LRIG3: variants seen among roughly 807,000 people sequenced by gnomAD.
The protein encoded by LRIG3 is leucine rich repeats and immunoglobulin like domains 3.
LRIG3 carries 76 observed loss-of-function variants against 114.5 expected under a neutral mutation model. The ratio of observed to expected loss-of-function variants is 0.66; its 90% CI spans 0.55 to 0.80. The LOEUF is 0.80. Ranked by LOEUF, LRIG3 falls within the 30% of genes least tolerant of loss-of-function variation. The pLI is 0.00. For synonymous variants in LRIG3, 512 were observed against 519.8 expected, an observed-to-expected ratio of 0.98 and a Z score of 0.20; for missense variants, 1,239 against 1,382.8, an observed-to-expected ratio of 0.90 and a Z score of 1.65.
rs150875717 is a variant in LRIG3, at chr12:58,888,379, G to A, written c.897C>T (p.Ile299=). ...LQELHLSQNA[I]NRISPDAWEF... is the part of the protein sequence containing the mutation. Reference sequence around the variant, plus strand: ...CCCAGGCATCAGGGCTGATCCTGTTGATGGCATTTTGGCTGAGATGAAGTT... The same window carrying A: ...CCCAGGCATCAGGGCTGATCCTGTTAATGGCATTTTGGCTGAGATGAAGTT... The change falls in exon 7 of 19, where the codon ATC becomes ATT. Residue 299 remains isoleucine, a synonymous_variant. Transcript: ENST00000320743. 2.9e-4 allele frequency: 471 copies of A among 1,613,882 alleles called. 7 individuals are homozygous for A. In the African/African-American group the frequency reaches 5.4e-3, roughly 19 times the overall value.
At chr12:58,902,000 T>C (rs1871869374) in intron 3 of LRIG3, among the ~76,000 whole-genome samples, 1 of 152,224 alleles carries the variant, frequency 6.6e-6, no homozygotes, top group Non-Finnish European at 1.5e-5. Flanking sequence ...AAATGGGTTA[T>C]AACCAGTTAT....
At chr12:58,919,975 C>T (rs952712612) in intron 1 of LRIG3, 25 bp downstream of exon 1, 2 of 1,546,320 alleles carry the variant, frequency 1.3e-6, no homozygotes, top group Non-Finnish European at 1.7e-6. Flanking sequence ...CCCGGGCCCC[C>T]TCCCCCCGCG....
chr12:58,872,916 A>G, intron 18 of LRIG3, 100 bp from the exon 19 acceptor site: 1 of 1,460,842 alleles, frequency 6.8e-7, no homozygotes, highest in Non-Finnish European at 9.2e-7. Context: ...CATGAATATG[A>G]GTAAGTGTTT....
At chr12:58,914,854 TGA>T (rs1000696748) in intron 1 of LRIG3, among the ~76,000 whole-genome samples, 3 of 152,360 alleles carry the variant, frequency 2.0e-5, no homozygotes, top group Admixed American at 1.3e-4. Context: ...ATTTTGTGTG[TGA>T]GTGTTGAGAG....
At chr12:58,902,832 T>C (rs1871913443) in intron 3 of LRIG3, among the ~76,000 whole-genome samples, 1 of 151,464 alleles carries the variant, frequency 6.6e-6, no homozygotes, top group South Asian at 2.1e-4. Context: ...TGGTTTTTCA[T>C]CCTTGTGATA....
chr12:58,888,547 C>A lies in LRIG3; in HGVS notation c.804-75G>T, dbSNP rs1871350448. 5.2e-6 allele frequency: 8 copies of A among 1,542,554 alleles called. No homozygotes were observed. The East Asian group carries it at 1.8e-4, about 35-fold the overall frequency. The stretch of plus-strand genomic sequence containing the variant: ...TCTCTTCAAAGGGGACATATGATTA[C>A]AACCTATTACAGATTCCTATTGTTA... On this transcript the variant is annotated intron_variant, in intron 6 of 18. Coordinates refer to ENST00000320743, the MANE Select transcript of LRIG3 (RefSeq NM_153377.5).
chr12:58,883,540 T>C lies in LRIG3; in HGVS notation c.1296A>G (p.Gln432=), dbSNP rs1299765136. 4 of 1,546,486 alleles carry C rather than the reference T, an allele frequency of 2.6e-6. No individual in the cohort carries two copies. The highest frequency in any genetic ancestry group is 2.3e-5 in the East Asian group (1 of 43,782). ...IMSLQGNAFS[Q]MKKLQQLHLN... ...CTTACAATTGTTGCAGTTTCTTCAT[T>C]TGTGAAAATGCATTGCCTTGTAAAG... The change falls in exon 11 of 19, where the codon CAA becomes CAG. Residue 432 remains glutamine (Q), a synonymous_variant. Transcript: ENST00000320743.
intron 8 of LRIG3, 105 bp from the exon 9 acceptor site, chr12:58,886,995 A>G: frequency 1.4e-6 from 1 of 719,566 alleles, no homozygotes; most frequent in Non-Finnish European, 2.3e-6. Context: ...AATTCCCCAC[A>G]TTATCTCCAC....
At chr12:58,904,393 C>T (rs1352292951) in intron 3 of LRIG3, among the ~76,000 whole-genome samples, 2 of 152,116 alleles carry the variant, frequency 1.3e-5, no homozygotes, top group Non-Finnish European at 2.9e-5. Flanking sequence ...CTCCTTTTGG[C>T]ACAGAGAAGT....
chr12:58,892,032 GAAAC>G (rs201431230), intron 3 of LRIG3, among the ~76,000 whole-genome samples: 1,470 of 143,686 alleles, frequency 0.01, 23 homozygotes, highest in African/African-American at 0.035. Context: ...CAAATGGAAA[GAAAC>G]AAACAGAAAA....
At chr12:58,889,330 T>C (rs1230597497) in intron 5 of LRIG3, among the ~76,000 whole-genome samples, 1 of 152,212 alleles carries the variant, frequency 6.6e-6, no homozygotes, top group Non-Finnish European at 1.5e-5. Context: ...CTCAAGTTTA[T>C]CCTGTACAAT....
rs878983987 is a variant in LRIG3 at position 58,877,600 on chromosome 12, T to C, written c.2336A>G (p.Asn779Ser). Reference sequence around the variant, plus strand: ...AGTGGGGATCACACTGAGGCGCACGTTTCCTCTCTCAGTGCCAAGGGTGTT... The same window carrying C: ...AGTGGGGATCACACTGAGGCGCACGCTTCCTCTCTCAGTGCCAAGGGTGTT... ...MSNTLGTERG[N>S]VRLSVIPTPT... The change falls in exon 15 of 19, where the codon AAC (asparagine) becomes AGC (serine). Residue 779 changes from asparagine (N) to serine (S), a missense_variant. Physicochemically the swap from Asn to Ser is conservative, Grantham distance 46 (BLOSUM62 1). Coordinates refer to ENST00000320743, the MANE Select transcript of LRIG3 (RefSeq NM_153377.5). 6 of 1,614,176 alleles carry C rather than the reference T, an allele frequency of 3.7e-6. No individual in the cohort carries two copies. The South Asian group carries it at 4.4e-5, about 12-fold the overall frequency.
At chr12:58,917,395 A>G (rs1251066543) in intron 1 of LRIG3, among the ~76,000 whole-genome samples, 1 of 152,390 alleles carries the variant, frequency 6.6e-6, no homozygotes, top group Non-Finnish European at 1.5e-5. Context: ...GTTTAAGCGC[A>G]AACTCTTGAC....
chr12:58,880,675 G>A lies in LRIG3; in HGVS notation c.1707C>T (p.Arg569=), dbSNP rs377193373. The change falls in exon 13 of 19, where the codon CGC becomes CGT. Residue 569 remains arginine (R), a synonymous_variant. Transcript: ENST00000320743. ...TCCCCTCACTGGCAAATTCCACCTC[G>A]CGCAGCCGAAGGATGGTGGTATACT... The part of the protein sequence containing the change: ...VMEYTTILRL[R]EVEFASEGKY... 135 of 1,614,062 alleles carry A rather than the reference G, an allele frequency of 8.4e-5. No homozygotes were observed. The highest frequency in any genetic ancestry group is 1.0e-4 in the Non-Finnish European group (119 of 1,180,042).
At chr12:58,876,386 G>A (rs773518750) in intron 16 of LRIG3, 59 bp downstream of exon 16, 213 of 1,556,316 alleles carry the variant, frequency 1.4e-4, no homozygotes, top group Admixed American at 7.1e-4. Context: ...TATCATATCT[G>A]AGCCTTCCAC....
In LRIG3 at chr12:58,886,792, G is replaced by T; in HGVS notation, c.1172+18C>A. 6.2e-7 allele frequency: 1 copy of T among 1,609,038 alleles called. No homozygotes were observed. On this transcript the variant is annotated intron_variant, in intron 9 of 18. Transcript: ENST00000320743. ...TAAATCAAAGAGTGAGCTAAATTATGAGGCAATTCATACTCACAGTCGCCT... is the reference window on the plus strand; with the variant it reads ...TAAATCAAAGAGTGAGCTAAATTATTAGGCAATTCATACTCACAGTCGCCT...
chr12:58,902,874 C>T (rs146421403), intron 3 of LRIG3, among the ~76,000 whole-genome samples: 1,846 of 152,202 alleles, frequency 0.012, 32 homozygotes, highest in East Asian at 0.087. Flanking sequence ...CCAATTTCAT[C>T]CATGTCCCTA....
In LRIG3 at chr12:58,880,568, T is replaced by G; in HGVS notation, c.1801+13A>C. ...GTATCTTTAAATGCTAAAGGAAAAG[T>G]CAGATCACATACTATTTACTGTAAG... On this transcript the variant is annotated intron_variant, in intron 13 of 18. Coordinates refer to ENST00000320743, the MANE Select transcript of LRIG3 (RefSeq NM_153377.5). 2 of 1,605,552 alleles carry G rather than the reference T, an allele frequency of 1.2e-6. No individual in the cohort carries two copies. Among genetic ancestry groups the G allele is most frequent in the Non-Finnish European group, 1.7e-6 (2 of 1,173,550 alleles).
intron 16 of LRIG3, among the ~76,000 whole-genome samples, chr12:58,875,442 T>C (rs1056117873): frequency 1.3e-5 from 2 of 152,222 alleles, no homozygotes; most frequent in East Asian, 3.8e-4. Flanking sequence ...TGAAAACATA[T>C]ACTTCTCTCC....
Sources: allele counts gnomAD v4.1 joint callset (sites outside exome capture counted in the v4.1 genomes callset), GRCh38; gene constraint gnomAD v4.1.1; transcripts MANE v1.5; gene names NCBI Gene and HGNC (gene_info 2026-07-23, HGNC 2026-07-21).